The following MTOR variants were observed in gnomAD, a reference collection of about 807,000 sequenced individuals.
MTOR encodes serine/threonine-protein kinase mTOR.
In MTOR, 70 loss-of-function variants were observed where a neutral mutation model predicts 319.8. The ratio of observed to expected loss-of-function variants is 0.22; its 90% CI spans 0.18 to 0.27. The LOEUF is 0.27. MTOR is among the 10% of genes least tolerant of loss of function. The probability of loss-of-function intolerance (pLI) is 1.00; values close to 1 mark genes in which losing one functional copy is unlikely to be tolerated. For missense variants in MTOR, 1,890 were observed against 3,274.4 expected (o/e 0.58, Z 10.32); for synonymous variants, 1,183 against 1,211.4 (o/e 0.98, Z 0.49).
chr1:11,172,877 A>AT (rs1039118581), intron 28 of MTOR, among the ~76,000 whole-genome samples: 2 of 151,804 alleles, frequency 1.3e-5, no homozygotes, highest in Admixed American at 1.3e-4. Flanking sequence ...AAAAAAAAAA[A>AT]AATTACAACT....
In MTOR at chr1:11,115,385, CAT is replaced by C. The variant is rs768532268; in HGVS notation, c.7089+9_7089+10del. 15 of 1,613,740 alleles carry C rather than the reference CAT, an allele frequency of 9.3e-6. No individual in the cohort carries two copies. The highest frequency in any genetic ancestry group is 8.3e-5 in the Admixed American group (5 of 60,022). Reference sequence around the variant, plus strand: ...GGAAGATGAGGTTGGGGTTCTAGAACATGTGTTCACCTCAAAGCAGTCCCCAA... The same window carrying C: ...GGAAGATGAGGTTGGGGTTCTAGAACGTGTTCACCTCAAAGCAGTCCCCAA... On this transcript the variant is annotated intron_variant, in intron 51 of 57. Coordinates refer to ENST00000361445, the MANE Select transcript of MTOR (RefSeq NM_004958.4). The surrounding 1 kb of genome is among the most constrained non-coding windows in gnomAD (Gnocchi z 4.5).
intron 28 of MTOR, chr1:11,195,899 CT>C (rs1314957766): frequency 1.3e-5 from 2 of 152,232 alleles, no homozygotes; most frequent in Non-Finnish European, 2.9e-5. Context: ...AAGCATCTCA[CT>C]TTGTAAAAAT....
chr1:11,211,393 T>A (rs1414321890), intron 23 of MTOR, among the ~76,000 whole-genome samples: 1 of 152,192 alleles, frequency 6.6e-6, no homozygotes, highest in Non-Finnish European at 1.5e-5. Flanking sequence ...TGAGATGAGG[T>A]CTTGCTCTGT....
chr1:11,183,009 G>T (rs1023469950), intron 28 of MTOR, among the ~76,000 whole-genome samples: 2 of 152,106 alleles, frequency 1.3e-5, no homozygotes, highest in African/African-American at 4.8e-5. Context: ...TACATATAAG[G>T]ATATGTTTAG....
chr1:11,213,959 G>A (rs969422481), intron 20 of MTOR, among the ~76,000 whole-genome samples: 2 of 152,178 alleles, frequency 1.3e-5, no homozygotes, highest in Admixed American at 6.5e-5. Context: ...GATAGCGATA[G>A]CAGTTGTAAG....
Position 11,106,801 on chromosome 1 carries a change from C to A in MTOR, c.*684G>T, listed in dbSNP as rs758547040. 1.6e-6 allele frequency: 2 copies of A among 1,277,416 alleles called. No homozygotes were observed. Among genetic ancestry groups the A allele is most frequent in the Non-Finnish European group, 2.0e-6 (2 of 994,262 alleles). 79.1% of individuals were successfully genotyped at this position (1,277,416 alleles called of 1,614,324 possible). A position where few individuals can be genotyped will look rare whatever the true frequency, so the allele number is the denominator to read the frequency against. On this transcript the variant is annotated 3_prime_UTR_variant, in exon 58 of 58. Coordinates refer to ENST00000361445, the MANE Select transcript of MTOR (RefSeq NM_004958.4). ...AAGGCCAGTGAGGGTGGTCCCACTG[C>A]ACAGTGATCCCCTCTGTGCATCTGC...
In MTOR at chr1:11,177,186, T is replaced by G. The variant is rs371690126; in HGVS notation, c.4254-9669A>C. On this transcript the variant is annotated intron_variant, in intron 28 of 57. Transcript: ENST00000361445. ...TCAAAGCTGGGGCATTTGGTGTACT[T>G]GGAGCTCTTGGGGACCTAAGGCACC... is the stretch of plus-strand genomic sequence containing the variant. 2.6e-5 allele frequency among the ~76,000 whole-genome samples: 4 copies of G among 152,118 alleles called. No individual in the cohort carries two copies. In the East Asian group the frequency reaches 5.8e-4, roughly 22 times the overall value.
rs761663858 is a variant in MTOR, at chr1:11,115,821, A to C, written c.7017-353T>G. Among the ~76,000 whole-genome samples the C allele has an allele frequency of 6.6e-6, 1 of 152,164 alleles. No individual in the cohort carries two copies. Among genetic ancestry groups the C allele is most frequent in the Non-Finnish European group, 1.5e-5 (1 of 68,032 alleles). ...TGTGAATCACAGGTTGTCCCACTGT[A>C]CTGAGATACTGTGCTTTTCTGAGGT... On this transcript the variant is annotated intron_variant, in intron 50 of 57. Transcript: ENST00000361445. The surrounding 1 kb of genome is among the most constrained non-coding windows in gnomAD (Gnocchi z 4.5).
At chr1:11,224,634 T>C (rs575690805) in intron 19 of MTOR, among the ~76,000 whole-genome samples, 6 of 152,100 alleles carry the variant, frequency 3.9e-5, no homozygotes, top group Non-Finnish European at 8.8e-5. Context: ...CCCAAGGATA[T>C]AGGAAATATT....
At chr1:11,176,621 A>T (rs1645001768) in intron 28 of MTOR, among the ~76,000 whole-genome samples, 1 of 152,156 alleles carries the variant, frequency 6.6e-6, no homozygotes, top group Non-Finnish European at 1.5e-5. Flanking sequence ...ATCACAGCTG[A>T]TGGGGCTGTG....
chr1:11,219,890 C>T (rs751644703), intron 19 of MTOR, among the ~76,000 whole-genome samples: 1 of 151,370 alleles, frequency 6.6e-6, no homozygotes, highest in Non-Finnish European at 1.5e-5. Flanking sequence ...AAAAATTAGC[C>T]AGCATGGTGG....
chr1:11,128,777 G>T lies in MTOR; in HGVS notation c.5811+78C>A. On this transcript the variant is annotated intron_variant, in intron 41 of 57. Coordinates refer to ENST00000361445, the MANE Select transcript of MTOR (RefSeq NM_004958.4). This position sits in a 1 kb window ranked among gnomAD's most constrained non-coding sequence, Gnocchi z 5.3. ...TTAACACACACTGCCTTGTGACACT[G>T]AACACAGCATGCTTGTAAGAGGAGA... The T allele has an allele frequency of 7.7e-7, 1 of 1,292,040 alleles. No individual in the cohort carries two copies. The highest frequency in any genetic ancestry group is 1.1e-6 in the Non-Finnish European group (1 of 899,490). 80.0% of individuals were successfully genotyped at this position (1,292,040 alleles called of 1,614,324 possible).
At chr1:11,193,586 T>G in intron 28 of MTOR, 1 of 1,588,212 alleles carries the variant, frequency 6.3e-7, no homozygotes, top group Non-Finnish European at 8.6e-7. Context: ...TCAGGTGTTC[T>G]GTGACATGGA....
chr1:11,124,361 T>A, intron 47 of MTOR, 137 bp downstream of exon 47: 1 of 1,149,676 alleles, frequency 8.7e-7, no homozygotes, highest in South Asian at 1.6e-5. Context: ...TTTCTGGGAC[T>A]ACAGGCATGA....
Position 11,228,687 on chromosome 1 carries a change from C to T in MTOR, c.3011G>A (p.Cys1004Tyr), listed in dbSNP as rs2100854379. ...MPTFLNVIRV[C>Y]DGAIREFLFQ... ...ACTTACTTCCCGGATGGCCCCATCACAGACTCGAATGACGTTAAGGAACGT... is the reference window on the plus strand; with the variant it reads ...ACTTACTTCCCGGATGGCCCCATCATAGACTCGAATGACGTTAAGGAACGT... Residue 1004 changes from cysteine (C) to tyrosine (Y), a missense_variant, in exon 19 of 58, where the codon TGT (cysteine) becomes TAT (tyrosine). Transcript: ENST00000361445. 6.2e-7 allele frequency: 1 copy of T among 1,614,032 alleles called. No homozygotes were observed. Among genetic ancestry groups the T allele is most frequent in the Non-Finnish European group, 8.5e-7 (1 of 1,179,966 alleles).
At chr1:11,243,001 C>T (rs1224407267) in intron 9 of MTOR, 113 bp downstream of exon 9, 2 of 1,062,140 alleles carry the variant, frequency 1.9e-6, no homozygotes, top group Non-Finnish European at 2.8e-6. Context: ...ATTTGCTATA[C>T]CCTGGAGTTT....
In MTOR at chr1:11,117,106, G is replaced by A. The variant is rs751640327; in HGVS notation, c.6934-20C>T. The stretch of plus-strand genomic sequence containing the variant: ...CCACACCTAGAACACAGGAGTGCAT[G>A]TGAACTACGGTTCTGGAAACTTTAA... On this transcript the variant is annotated intron_variant, in intron 49 of 57. Coordinates refer to ENST00000361445, the MANE Select transcript of MTOR (RefSeq NM_004958.4). 8 of 1,567,408 alleles carry A rather than the reference G, an allele frequency of 5.1e-6. No individual in the cohort carries two copies. The South Asian group carries it at 8.2e-5, about 16-fold the overall frequency.
chr1:11,236,977 G>C (rs1440094400), intron 13 of MTOR, among the ~76,000 whole-genome samples: 1 of 152,296 alleles, frequency 6.6e-6, no homozygotes, highest in Non-Finnish European at 1.5e-5. Flanking sequence ...ATAATTTACA[G>C]CCACTTTATA....
intron 19 of MTOR, chr1:11,226,471 G>C (rs1323553630): frequency 6.6e-6 from 1 of 152,146 alleles, no homozygotes; most frequent in Admixed American, 6.6e-5. Flanking sequence ...CAAGGTTATA[G>C]ATTTCCACTA....
Sources: allele counts gnomAD v4.1 joint callset (sites outside exome capture counted in the v4.1 genomes callset), GRCh38; gene constraint gnomAD v4.1.1; non-coding constraint Gnocchi (gnomAD v3.1); transcripts MANE v1.5; gene names NCBI Gene and HGNC (gene_info 2026-07-23, HGNC 2026-07-21).